GOLGA1: variants seen among roughly 807,000 people sequenced by gnomAD.
GOLGA1 encodes golgin subfamily A member 1.
GOLGA1 carries 63 observed loss-of-function variants against 119.7 expected under a neutral mutation model. The ratio of observed to expected loss-of-function variants is 0.53; its 90% confidence interval spans 0.43 to 0.65. The LOEUF (loss-of-function observed/expected upper bound fraction) is 0.65. Among genes scored for constraint, GOLGA1 ranks in the 30% least tolerant of loss-of-function variants. The pLI is 0.00. For synonymous variants in GOLGA1, 318 were observed against 333.4 expected (o/e 0.95, Z 0.50); for missense variants, 798 against 912.8 (o/e 0.87, Z 1.62).
At chr9:124,902,041 C>T (rs1314398684) in intron 12 of GOLGA1, among the ~76,000 whole-genome samples, 1 of 152,230 alleles carries the variant, frequency 6.6e-6, no homozygotes, top group East Asian at 1.9e-4. Flanking sequence ...CAGATTCAAG[C>T]TACATCTATG....
chr9:124,889,323 A>T lies in GOLGA1; in HGVS notation c.1601-20T>A. ...TGTGACCTAGGTCGGGGAGGAGGGG[A>T]GGGGGCACTGTGAGCCCAGTGACTC... On this transcript the variant is annotated intron_variant, in intron 17 of 22. Coordinates refer to ENST00000373555, the MANE Select transcript of GOLGA1 (RefSeq NM_002077.4). 1.2e-6 allele frequency: 2 copies of T among 1,611,560 alleles called. No individual in the cohort carries two copies. The highest frequency in any genetic ancestry group is 1.7e-6 in the Non-Finnish European group (2 of 1,178,278).
intron 3 of GOLGA1, among the ~76,000 whole-genome samples, chr9:124,937,861 T>A (rs904908462): frequency 6.6e-6 from 1 of 151,930 alleles, no homozygotes; most frequent in African/African-American, 2.4e-5. Context: ...GGTGGGCGGA[T>A]CGCCTGAGCT....
chr9:124,932,049 T>C (rs929178990), intron 3 of GOLGA1, among the ~76,000 whole-genome samples: 4 of 152,244 alleles, frequency 2.6e-5, no homozygotes, highest in African/African-American at 9.6e-5. Flanking sequence ...CTTTTCATTA[T>C]ACAATTTTTC....
In GOLGA1 at chr9:124,878,486, C is replaced by T. The variant is rs750752473; in HGVS notation, c.*2044G>A. The stretch of plus-strand genomic sequence containing the variant: ...CATGGAAGGAGAGCTCAAGATCCAT[C>T]GCTCGTATAAAGGGCTATAGATACC... On this transcript the variant is annotated 3_prime_UTR_variant, in exon 23 of 23. Coordinates refer to ENST00000373555, the MANE Select transcript of GOLGA1 (RefSeq NM_002077.4). 2.0e-5 allele frequency: 3 copies of T among 152,642 alleles called. No individual in the cohort carries two copies. Among genetic ancestry groups the T allele is most frequent in the Non-Finnish European group, 2.9e-5 (2 of 68,040 alleles). 9.5% of individuals were successfully genotyped at this position (152,642 alleles called of 1,614,324 possible). A position where few individuals can be genotyped will look rare whatever the true frequency, so the allele number is the denominator to read the frequency against.
chr9:124,942,578 A>T (rs1831072696), upstream of GOLGA1: 1 of 152,232 alleles, frequency 6.6e-6, no homozygotes, highest in Admixed American at 6.5e-5. Context: ...CTAACAGTTC[A>T]GCTGTCAATA....
intron 7 of GOLGA1, among the ~76,000 whole-genome samples, chr9:124,925,749 C>T (rs963485207): frequency 2.0e-5 from 3 of 152,038 alleles, no homozygotes; most frequent in Admixed American, 6.6e-5. Context: ...GCTTGATAAT[C>T]AGATTTCTAT....
In GOLGA1 at chr9:124,937,982, C is replaced by G. The variant is rs532111736; in HGVS notation, c.135+595G>C. On this transcript the variant is annotated intron_variant, in intron 3 of 22. Coordinates refer to ENST00000373555, the MANE Select transcript of GOLGA1 (RefSeq NM_002077.4). ...CCTGTAGTCCCAGCTACTCGGGAGG[C>G]TGAGGCACGAGAATTGCTTGAGCCC... 2.6e-5 allele frequency among the ~76,000 whole-genome samples: 4 copies of G among 151,016 alleles called. No homozygotes were observed. The South Asian group carries it at 8.3e-4, about 31-fold the overall frequency.
At chr9:124,905,132 C>T (rs1019684519) in intron 12 of GOLGA1, among the ~76,000 whole-genome samples, 17 of 147,284 alleles carry the variant, frequency 1.2e-4, no homozygotes, top group South Asian at 2.2e-4. Context: ...GGTGATACAG[C>T]GGGAGTCCAT....
intron 4 of GOLGA1, 108 bp from the exon 5 acceptor site, chr9:124,929,398 A>G: frequency 1.3e-6 from 1 of 751,018 alleles, no homozygotes; most frequent in Non-Finnish European, 2.4e-6. Flanking sequence ...TTAACCTGAA[A>G]ACCATTCCTG....
chr9:124,899,240 G>T, intron 14 of GOLGA1, 89 bp downstream of exon 14: 1 of 1,227,958 alleles, frequency 8.1e-7, no homozygotes. Context: ...CTAGTGCAGA[G>T]GTGGTGACAC....
chr9:124,941,457 C>T (rs1260202793), upstream of GOLGA1, among the ~76,000 whole-genome samples: 1 of 152,218 alleles, frequency 6.6e-6, no homozygotes, highest in Admixed American at 6.5e-5. Context: ...CACTGCTTGG[C>T]CAGGCGCCCC....
At chr9:124,939,554 T>C (rs2120225) in intron 2 of GOLGA1, among the ~76,000 whole-genome samples, 1,837 of 20,724 alleles carry the variant, frequency 0.089, 63 homozygotes, top group African/African-American at 0.25. Flanking sequence ...TTCTTTCTTT[T>C]TTTTTTTTTT....
At position 124,879,062 on chromosome 9, in the gene GOLGA1, G is replaced by A. The variant is rs1175249419; in HGVS notation, c.*1468C>T. 1 of 152,222 alleles carries A rather than the reference G, an allele frequency of 6.6e-6. No individual in the cohort carries two copies. The highest frequency in any genetic ancestry group is 2.4e-5 in the African/African-American group (1 of 41,460). The allele number at this position is 152,222 out of a possible 1,614,324, so 9.4% of individuals were successfully genotyped here. A position where few individuals can be genotyped will look rare whatever the true frequency, so the allele number is the denominator to read the frequency against. ...ACTAAGGAGATGCTGCCCTGACTTG[G>A]TTCTTCATGGAAATTTCGTTAGGTT... is the stretch of plus-strand genomic sequence containing the variant. On this transcript the variant is annotated 3_prime_UTR_variant, in exon 23 of 23. Coordinates refer to ENST00000373555, the MANE Select transcript of GOLGA1 (RefSeq NM_002077.4).
At chr9:124,885,195 C>T (rs1325469551) in intron 19 of GOLGA1, among the ~76,000 whole-genome samples, 3 of 152,048 alleles carry the variant, frequency 2.0e-5, no homozygotes, top group Non-Finnish European at 4.4e-5. Flanking sequence ...GGCGTGGTAG[C>T]GCGCCTGTAG....
Position 124,888,698 on chromosome 9 carries a change from T to C in GOLGA1, c.1762-302A>G, listed in dbSNP as rs28605510. ...CATATGAGTGCCCTACTTTATTTAT[T>C]TATCTATTTATTTATTTATTGAGAC... On this transcript the variant is annotated intron_variant, in intron 18 of 22. Coordinates refer to ENST00000373555, the MANE Select transcript of GOLGA1 (RefSeq NM_002077.4). The surrounding 1 kb of genome is among the most constrained non-coding windows in gnomAD (Gnocchi z 4.4). Among the ~76,000 whole-genome samples the C allele has an allele frequency of 2.0e-5, 3 of 150,984 alleles. No individual in the cohort carries two copies. Among genetic ancestry groups the C allele is most frequent in the East Asian group, 1.9e-4 (1 of 5,178 alleles).
At chr9:124,941,396 G>T (rs935080952), upstream of GOLGA1, among the ~76,000 whole-genome samples, 3 of 152,196 alleles carry the variant, frequency 2.0e-5, no homozygotes, top group African/African-American at 7.2e-5. Flanking sequence ...GAACCCAGTC[G>T]GTGCCACAGG....
At chr9:124,910,577 A>G (rs906412844) in intron 11 of GOLGA1, among the ~76,000 whole-genome samples, 4 of 152,170 alleles carry the variant, frequency 2.6e-5, no homozygotes, top group African/African-American at 7.2e-5. Context: ...AATAAAACCA[A>G]TTTTATTGGG....
At chr9:124,900,570 C>G (rs1830083558) in intron 12 of GOLGA1, 23 bp from the exon 13 acceptor site, 1 of 1,215,512 alleles carries the variant, frequency 8.2e-7, no homozygotes, top group Non-Finnish European at 1.2e-6. Context: ...CAGAAGCATT[C>G]TTTCTGTTCA....
At position 124,940,123 on chromosome 9, in the gene GOLGA1, T is replaced by C. The variant is rs1007871246; in HGVS notation, c.-173A>G. The C allele has an allele frequency of 6.6e-6, 1 of 152,196 alleles. No homozygotes were observed. The allele number at this position is 152,196 out of a possible 1,614,324, so 9.4% of individuals were successfully genotyped here. A position where few individuals can be genotyped will look rare whatever the true frequency, so the allele number is the denominator to read the frequency against. Reference sequence around the variant, plus strand: ...TTACTCACCTGGCTTATCTACTAGATTTAAAACAGCTTGGAGGTCAAAGCA... The same window carrying C: ...TTACTCACCTGGCTTATCTACTAGACTTAAAACAGCTTGGAGGTCAAAGCA... On this transcript the variant is annotated 5_prime_UTR_variant, in exon 2 of 23. Transcript: ENST00000373555.
Sources: allele counts gnomAD v4.1 joint callset (sites outside exome capture counted in the v4.1 genomes callset), GRCh38; gene constraint gnomAD v4.1.1; non-coding constraint Gnocchi (gnomAD v3.1); transcripts MANE v1.5; gene names NCBI Gene and HGNC (gene_info 2026-07-23, HGNC 2026-07-21).